The following CD44 variants were observed in gnomAD, a reference collection of about 807,000 sequenced individuals.
CD44 encodes CD44 antigen.
CD44 carries 49 observed loss-of-function variants against 88.8 expected under a neutral mutation model. The observed-to-expected ratio is 0.55, with a 90% CI of 0.44 to 0.70. The LOEUF is 0.70. Ranked by LOEUF, CD44 falls within the 30% of genes least tolerant of loss-of-function variation. The probability of loss-of-function intolerance (pLI) is 0.00; values close to 1 mark genes in which losing one functional copy is unlikely to be tolerated. For synonymous variants in CD44, 325 were observed against 312.3 expected, an observed-to-expected ratio of 1.04 and a Z score of -0.43; for missense variants, 883 against 913.8, an observed-to-expected ratio of 0.97 and a Z score of 0.43.
At chr11:35,201,286 T>A in intron 8 of CD44, 91 bp downstream of exon 8, 1 of 888,662 alleles carries the variant, frequency 1.1e-6, no homozygotes, top group South Asian at 1.3e-5. Flanking sequence ...AGTGGGAAAT[T>A]TAGTTAATAT....
At chr11:35,178,444 GC>G (rs1255190408) in intron 2 of CD44, among the ~76,000 whole-genome samples, 2 of 152,210 alleles carry the variant, frequency 1.3e-5, no homozygotes, top group African/African-American at 4.8e-5. Flanking sequence ...TGCACACACA[GC>G]CTGCCTATGG....
chr11:35,166,774 G>T (rs1209334920), intron 1 of CD44, among the ~76,000 whole-genome samples: 1 of 152,242 alleles, frequency 6.6e-6, no homozygotes, highest in African/African-American at 2.4e-5. Flanking sequence ...GAAATTCTCT[G>T]GGTATGATTG....
At chr11:35,189,760 C>T in intron 4 of CD44, 75 bp from the exon 5 acceptor site, 1 of 954,950 alleles carries the variant, frequency 1.0e-6, no homozygotes, top group Non-Finnish European at 1.7e-6. Context: ...GCTTTGAAGT[C>T]ACTATGTTAA....
At chr11:35,220,884 A>C (rs918694192) in intron 16 of CD44, among the ~76,000 whole-genome samples, 12 of 149,170 alleles carry the variant, frequency 8.0e-5, no homozygotes, top group African/African-American at 3.0e-4. Context: ...CTCCTGCCTC[A>C]GCCTCCTGAG....
At chr11:35,185,537 T>G (rs141458575) in intron 3 of CD44, among the ~76,000 whole-genome samples, 130 of 152,252 alleles carry the variant, frequency 8.5e-4, no homozygotes, top group African/African-American at 2.9e-3. Flanking sequence ...ACAGCCTTTC[T>G]TGTGATAGCA....
chr11:35,156,035 ACCCCAGAGCT>A (rs1455363506), intron 1 of CD44, among the ~76,000 whole-genome samples: 3 of 152,092 alleles, frequency 2.0e-5, no homozygotes, highest in African/African-American at 7.2e-5. Flanking sequence ...TCTAGTTTCT[ACCCCAGAGCT>A]GATGTCCATG....
intron 1 of CD44, among the ~76,000 whole-genome samples, chr11:35,155,394 T>C (rs1941720940): frequency 1.3e-5 from 2 of 152,176 alleles, no homozygotes; most frequent in Admixed American, 1.3e-4. Flanking sequence ...TTTGAGACTA[T>C]TTGGGCTAAG....
At chr11:35,159,759 C>T (rs146435351) in intron 1 of CD44, among the ~76,000 whole-genome samples, 120 of 152,304 alleles carry the variant, frequency 7.9e-4, no homozygotes, top group African/African-American at 2.6e-3. Flanking sequence ...GCGGACGTAA[C>T]CTGCCTGAGA....
chr11:35,213,135 G>T (rs80309013), intron 14 of CD44, among the ~76,000 whole-genome samples: 2,022 of 152,200 alleles, frequency 0.013, 48 homozygotes, highest in African/African-American at 0.046. Context: ...TGAATTTAAA[G>T]TTTAAATGGC....
chr11:35,185,153 G>T (rs1945531194), intron 3 of CD44, among the ~76,000 whole-genome samples: 1 of 152,212 alleles, frequency 6.6e-6, no homozygotes, highest in Admixed American at 6.5e-5. Context: ...AAGAAGAAAT[G>T]AGAGCAAGAT....
chr11:35,202,984 G>A (rs75199214), intron 9 of CD44, among the ~76,000 whole-genome samples: 14,088 of 152,218 alleles, frequency 0.093, 886 homozygotes, highest in Admixed American at 0.2. Context: ...GAAATAATGA[G>A]CCTATTGTCA....
At chr11:35,223,154 CTG>C (rs1186672959) in intron 17 of CD44, 1 of 985,340 alleles carries the variant, frequency 1.0e-6, no homozygotes, top group Non-Finnish European at 1.2e-6. Context: ...AGGAACAAAA[CTG>C]AGAGAAAAAA....
intron 17 of CD44, among the ~76,000 whole-genome samples, chr11:35,226,741 A>G (rs749141134): frequency 2.0e-5 from 3 of 152,104 alleles, no homozygotes; most frequent in African/African-American, 4.8e-5. Flanking sequence ...TCACAATCCT[A>G]TGATATTGCT....
At chr11:35,195,108 T>C (rs1440634543) in intron 5 of CD44, among the ~76,000 whole-genome samples, 2 of 152,190 alleles carry the variant, frequency 1.3e-5, no homozygotes, top group African/African-American at 4.8e-5. Flanking sequence ...CTCTTAGCTC[T>C]ATATCCCTGC....
At chr11:35,146,763 C>A (rs1859258286) in intron 1 of CD44, among the ~76,000 whole-genome samples, 1 of 152,070 alleles carries the variant, frequency 6.6e-6, no homozygotes, top group Non-Finnish European at 1.5e-5. Context: ...ATCGAGGCAC[C>A]CTAGAAATCC....
intron 1 of CD44, among the ~76,000 whole-genome samples, chr11:35,156,424 A>G (rs1390326795): frequency 6.6e-6 from 1 of 152,262 alleles, no homozygotes; most frequent in Non-Finnish European, 1.5e-5. Flanking sequence ...TGTCTTAGGC[A>G]GGAAGGGTGC....
Position 35,176,642 on chromosome 11 carries a change from T to G in CD44, c.135T>G (p.Ser45=), listed in dbSNP as rs1378263144. The G allele has an allele frequency of 1.2e-6, 2 of 1,614,102 alleles. No individual in the cohort carries two copies. The highest frequency in any genetic ancestry group is 1.6e-4 in the Middle Eastern group (1 of 6,084). The stretch of plus-strand genomic sequence containing the variant: ...AGAAAAATGGTCGCTACAGCATCTC[T>G]CGGACGGAGGCCGCTGACCTCTGCA... ...HVEKNGRYSI[S]RTEAADLCKA... The change falls in exon 2 of 18, where the codon TCT becomes TCG. Residue 45 remains serine (S), a synonymous_variant. Coordinates refer to ENST00000428726, the MANE Select transcript of CD44 (RefSeq NM_000610.4).
At chr11:35,161,981 T>C (rs1942677547) in intron 1 of CD44, among the ~76,000 whole-genome samples, 1 of 152,184 alleles carries the variant, frequency 6.6e-6, no homozygotes, top group Admixed American at 6.5e-5. Flanking sequence ...CTCTATTATA[T>C]TATCCTCTTT....
chr11:35,170,165 T>C (rs186285946), intron 1 of CD44, among the ~76,000 whole-genome samples: 1 of 152,306 alleles, frequency 6.6e-6, no homozygotes, highest in African/African-American at 2.4e-5. Flanking sequence ...TGTCATCCCA[T>C]CAAGGAAGAG....
Sources: allele counts gnomAD v4.1 joint callset (sites outside exome capture counted in the v4.1 genomes callset), GRCh38; gene constraint gnomAD v4.1.1; transcripts MANE v1.5; gene names NCBI Gene and HGNC (gene_info 2026-07-23, HGNC 2026-07-21).